The following NTRK2 variants were observed in gnomAD, a reference collection of about 807,000 sequenced individuals.
NTRK2 encodes neurotrophic receptor tyrosine kinase 2, also known as BDNF/NT-3 growth factors receptor.
In NTRK2, 13 loss-of-function variants were observed where a neutral mutation model predicts 94.5. The ratio of observed to expected loss-of-function variants is 0.14; its 90% confidence interval spans 0.09 to 0.22. The LOEUF is 0.22. Among genes scored for constraint, NTRK2 ranks in the 10% least tolerant of loss-of-function variants. The pLI is 1.00. For missense variants in NTRK2, 639 were observed against 1,071.2 expected, an observed-to-expected ratio of 0.60 and a Z score of 5.63; for synonymous variants, 372 against 407.4, an observed-to-expected ratio of 0.91 and a Z score of 1.05.
chr9:84,812,598 T>C, intron 12 of NTRK2: 1 of 1,046,324 alleles, frequency 9.6e-7, no homozygotes, highest in Non-Finnish European at 1.2e-6. Flanking sequence ...GAAAGAGAGA[T>C]GAAATTCAAG....
chr9:84,945,431 G>C (rs751163892), intron 15 of NTRK2, among the ~76,000 whole-genome samples: 130 of 152,266 alleles, frequency 8.5e-4, no homozygotes, highest in African/African-American at 2.7e-3. Context: ...AAAGGCACTG[G>C]TGTGTGTGGT....
At chr9:84,813,693 G>C in intron 12 of NTRK2, 1 of 1,066,084 alleles carries the variant, frequency 9.4e-7, no homozygotes, top group Non-Finnish European at 1.1e-6. Context: ...TCCCTGGTTG[G>C]TCCTACTCCC....
intron 9 of NTRK2, among the ~76,000 whole-genome samples, chr9:84,729,197 A>C (rs112292422): frequency 3.3e-5 from 5 of 152,176 alleles, no homozygotes; most frequent in Admixed American, 6.5e-5. Flanking sequence ...ATAAGTTCCT[A>C]TTATTTTGCT....
intron 14 of NTRK2, among the ~76,000 whole-genome samples, chr9:84,893,781 G>A (rs10868236): frequency 6.6e-6 from 1 of 152,108 alleles, no homozygotes; most frequent in African/African-American, 2.4e-5. Context: ...CTTGGCCAAC[G>A]AGGCAGACAC....
At chr9:84,675,397 T>C (rs564055095) in intron 2 of NTRK2, among the ~76,000 whole-genome samples, 1 of 146,256 alleles carries the variant, frequency 6.8e-6, no homozygotes, top group South Asian at 2.3e-4. Flanking sequence ...TCATTGGTCA[T>C]CTTGCCTGCT....
At chr9:84,874,951 C>T (rs959622848) in intron 14 of NTRK2, 14 of 1,055,960 alleles carry the variant, frequency 1.3e-5, no homozygotes. Context: ...CCCAAAATGC[C>T]TTCAAGTGCC....
chr9:84,997,790 G>T (rs1419940676), intron 17 of NTRK2, among the ~76,000 whole-genome samples: 2 of 152,134 alleles, frequency 1.3e-5, no homozygotes, highest in Non-Finnish European at 2.9e-5. Flanking sequence ...GGGCTGGGGG[G>T]TGTTCAGCCA....
rs1833032994 is a variant in NTRK2, at chr9:85,026,309, A to G, written c.*4872A>G. 4.3e-6 allele frequency: 1 copy of G among 231,496 alleles called. No individual in the cohort carries two copies. The highest frequency in any genetic ancestry group is 6.1e-5 in the East Asian group (1 of 16,374). 14.3% of individuals were successfully genotyped at this position (231,496 alleles called of 1,614,324 possible). ...TGCGTTTGAGGCCAGGTCCATGTTTATTTATTTCTTTAGTCTATGCATTAA... is the reference window on the plus strand; with the variant it reads ...TGCGTTTGAGGCCAGGTCCATGTTTGTTTATTTCTTTAGTCTATGCATTAA... On this transcript the variant is annotated 3_prime_UTR_variant, in exon 19 of 19. Transcript: ENST00000277120.
intron 17 of NTRK2, among the ~76,000 whole-genome samples, chr9:84,991,586 A>G (rs182436092): frequency 3.3e-5 from 5 of 152,044 alleles, no homozygotes; most frequent in Non-Finnish European, 2.9e-5. Context: ...TTGGAAATTC[A>G]CCAGTGGAAT....
At chr9:84,752,291 C>G (rs1402165012) in intron 12 of NTRK2, among the ~76,000 whole-genome samples, 1 of 152,184 alleles carries the variant, frequency 6.6e-6, no homozygotes, top group African/African-American at 2.4e-5. Flanking sequence ...TCCATGAGAA[C>G]AGTTGTCCCG....
chr9:84,987,145 TAAG>T (rs1828423575), intron 17 of NTRK2, among the ~76,000 whole-genome samples: 1 of 152,192 alleles, frequency 6.6e-6, no homozygotes, highest in South Asian at 2.1e-4. Flanking sequence ...AAGAATTTGT[TAAG>T]AAGTTCAGCC....
rs182787036 is a variant in NTRK2, at chr9:84,694,645, A to T, written c.213-7514A>T. ...AGCTGTGAACCCAGGGACCAAGGGA[A>T]TTTTTTTTTTAGAAAAGGATTATTC... On this transcript the variant is annotated intron_variant, in intron 2 of 18. Transcript: ENST00000277120. 2.8e-3 allele frequency among the ~76,000 whole-genome samples: 426 copies of T among 150,212 alleles called. 4 individuals carry two copies. The highest frequency in any genetic ancestry group is 9.8e-3 in the African/African-American group (404 of 41,054).
chr9:84,830,560 TGTG>T (rs1323171414), intron 12 of NTRK2, among the ~76,000 whole-genome samples: 1 of 152,014 alleles, frequency 6.6e-6, no homozygotes, highest in East Asian at 1.9e-4. Context: ...TGTGTGTGTG[TGTG>T]ATTTTGGCTT....
rs149224615 is a variant in NTRK2, at chr9:84,844,788, G to A, written c.1397-16252G>A. Among the ~76,000 whole-genome samples the A allele has an allele frequency of 6.7e-3, 1,015 of 151,732 alleles. 10 individuals carry two copies. The highest frequency in any genetic ancestry group is 0.023 in the African/African-American group (946 of 41,330). On this transcript the variant is annotated intron_variant, in intron 12 of 18. Coordinates refer to ENST00000277120, the MANE Select transcript of NTRK2 (RefSeq NM_006180.6). ...CAGAAAGGAAAGTCTTCTCAAAAAT[G>A]GCTGTTATAATTTCTTGGGTTGAAT...
At chr9:84,811,068 A>AT (rs1451485804) in intron 12 of NTRK2, 50 of 1,075,232 alleles carry the variant, frequency 4.7e-5, no homozygotes, top group Non-Finnish European at 5.5e-5. Context: ...GTGATTTTCT[A>AT]TACTCTAATC....
Position 84,867,307 on chromosome 9 carries a change from G to A in NTRK2, c.1509G>A (p.Gly503=). Residue 503 remains glycine (G), a synonymous_variant, in exon 14 of 19, where the codon GGG becomes GGA. Transcript: ENST00000277120. The part of the protein sequence containing the change: ...SASPLHHISN[G]SNTPSSSEGG... Reference sequence around the variant, plus strand: ...GCCCACTCCATCACATCTCCAATGGGAGTAACACTCCATCTTCTTCGGAAG... The same window carrying A: ...GCCCACTCCATCACATCTCCAATGGAAGTAACACTCCATCTTCTTCGGAAG... The A allele has an allele frequency of 6.2e-7, 1 of 1,614,056 alleles. No homozygotes were observed. The highest frequency in any genetic ancestry group is 8.5e-7 in the Non-Finnish European group (1 of 1,179,966).
intron 4 of NTRK2, among the ~76,000 whole-genome samples, chr9:84,706,291 G>A (rs2061055861): frequency 6.6e-6 from 1 of 151,938 alleles, no homozygotes; most frequent in Non-Finnish European, 1.5e-5. Flanking sequence ...TAAGCTGGGA[G>A]TGGACACACA....
At chr9:84,740,173 C>T (rs2063538247) in intron 9 of NTRK2, among the ~76,000 whole-genome samples, 1 of 152,152 alleles carries the variant, frequency 6.6e-6, no homozygotes, top group African/African-American at 2.4e-5. Flanking sequence ...TCCATTTGGT[C>T]TAGGGCTTTT....
chr9:84,876,377 T>G lies in NTRK2; in HGVS notation c.1633+8946T>G, dbSNP rs192565104. On this transcript the variant is annotated intron_variant, in intron 14 of 18. Coordinates refer to ENST00000277120, the MANE Select transcript of NTRK2 (RefSeq NM_006180.6). ...CACCTGAATTGTTTTCCTACAGGAA[T>G]GATTACTTTTCAGATCCATTTATGT... 3 of 1,053,012 alleles carry G rather than the reference T, an allele frequency of 2.8e-6. No individual in the cohort carries two copies. The East Asian group carries it at 1.6e-4, about 57-fold the overall frequency. The allele number at this position is 1,053,012 out of a possible 1,614,324, so 65.2% of individuals were successfully genotyped here. A position where few individuals can be genotyped will look rare whatever the true frequency, so the allele number is the denominator to read the frequency against.
Sources: allele counts gnomAD v4.1 joint callset (sites outside exome capture counted in the v4.1 genomes callset), GRCh38; gene constraint gnomAD v4.1.1; transcripts MANE v1.5; gene names NCBI Gene and HGNC (gene_info 2026-07-23, HGNC 2026-07-21).